Variants in FANCA observed in about 807,000 individuals in gnomAD.
FANCA encodes the protein Fanconi anemia group A protein.
FANCA carries 236 observed loss-of-function variants against 194.3 expected under a neutral mutation model. The observed-to-expected ratio is 1.21, with a 90% CI of 1.09 to 1.35. The LOEUF (loss-of-function observed/expected upper bound fraction) is 1.35. Among genes scored for constraint, FANCA ranks in the 40% most tolerant of loss-of-function variants. The pLI is 0.00. For missense variants in FANCA, 2,628 were observed against 1,813.9 expected (o/e 1.45, Z -8.15); for synonymous variants, 1,014 against 715.8 (o/e 1.42, Z -6.65).
At chr16:89,772,525 A>C (rs915288088) in intron 22 of FANCA, among the ~76,000 whole-genome samples, 3 of 150,794 alleles carry the variant, frequency 2.0e-5, no homozygotes, top group African/African-American at 7.3e-5. Flanking sequence ...TATATATATC[A>C]CCTCCATGTA....
At chr16:89,739,053 T>A in intron 41 of FANCA, 79 bp from the exon 42 acceptor site, 1 of 1,613,994 alleles carries the variant, frequency 6.2e-7, no homozygotes, top group Non-Finnish European at 8.5e-7. Flanking sequence ...GTCTGCATGC[T>A]GTGCCGGAAC....
In FANCA at chr16:89,739,275, A is replaced by C. The variant is rs1326007572; in HGVS notation, c.4025T>G (p.Phe1342Cys). The change falls in exon 41 of 43, where the codon TTC becomes TGC. Residue 1342 changes from phenylalanine (F) to cysteine (C), a missense_variant. By Grantham distance (205) the Phe-to-Cys change is radical. Coordinates refer to ENST00000389301, the MANE Select transcript of FANCA (RefSeq NM_000135.4). ...PFAFYSLLSY[F>C]HEDAAIREEA... ...TTCCCTGATGGCCGCGTCTTCATGG[A>C]AGTAGGAGAGAAGACTAGAGGTAAA... 1 of 1,614,010 alleles carries C rather than the reference A, an allele frequency of 6.2e-7. No homozygotes were observed. The highest frequency in any genetic ancestry group is 8.5e-7 in the Non-Finnish European group (1 of 1,180,040).
intron 37 of FANCA, among the ~76,000 whole-genome samples, chr16:89,742,505 T>A (rs1345272112): frequency 6.6e-6 from 1 of 152,012 alleles, no homozygotes; most frequent in East Asian, 1.9e-4. Context: ...GTAAACTTGA[T>A]AGTCAAAGTC....
intron 35 of FANCA, 52 bp from the exon 36 acceptor site, chr16:89,745,123 T>A (rs1205782221): frequency 6.7e-7 from 1 of 1,494,390 alleles, no homozygotes; most frequent in African/African-American, 1.4e-5. Context: ...TGGACACACC[T>A]CCGCTGCCCC....
rs2151712993 is a variant in FANCA, at chr16:89,739,536, G to A, written c.3952C>T (p.Leu1318Phe). ...TGATCCGGGGCCACACGGAGGAGGA[G>A]CCGCCCCAGCCTGAGGTCTGCAACA... is the stretch of plus-strand genomic sequence containing the variant. ...LTESDLRLGR[L>F]LLRVAPDQHT... Residue 1318 changes from leucine (L) to phenylalanine (F), a missense_variant, in exon 40 of 43, where the codon CTC becomes TTC. By Grantham distance (22) the Leu-to-Phe change is conservative. Transcript: ENST00000389301. 6.4e-7 allele frequency: 1 copy of A among 1,551,306 alleles called. No homozygotes were observed. The highest frequency in any genetic ancestry group is 1.7e-4 in the Middle Eastern group (1 of 5,942).
chr16:89,782,804 C>A, intron 17 of FANCA, 55 bp downstream of exon 17: 1 of 1,483,652 alleles, frequency 6.7e-7, no homozygotes, highest in Non-Finnish European at 9.4e-7. Flanking sequence ...AGAAACTGGA[C>A]CTTTGCATGG....
In FANCA at chr16:89,783,060, A is replaced by G; in HGVS notation, c.1513T>C (p.Ser505Pro). 1 of 1,613,852 alleles carries G rather than the reference A, an allele frequency of 6.2e-7. No homozygotes were observed. Among genetic ancestry groups the G allele is most frequent in the Non-Finnish European group, 8.5e-7 (1 of 1,179,876 alleles). ...AATGAGATGTAGTCTGTGAGGAGGG[A>G]GCGGTACTTGCCGGGAACCAGGGGT... ...HPPLVPGKYRSLLTDYISLAK... is the reference protein window; with the variant it reads ...HPPLVPGKYRPLLTDYISLAK... Residue 505 changes from serine to proline, a missense_variant, in exon 16 of 43, where the codon TCC (serine) becomes CCC (proline). Coordinates refer to ENST00000389301, the MANE Select transcript of FANCA (RefSeq NM_000135.4).
In FANCA at chr16:89,738,707, A is replaced by G. The variant is rs761987751; in HGVS notation, c.4262T>C (p.Leu1421Pro). The change falls in exon 43 of 43, where the codon CTG becomes CCG. Residue 1421 changes from leucine (L) to proline (P), a missense_variant and splice_region_variant. Coordinates refer to ENST00000389301, the MANE Select transcript of FANCA (RefSeq NM_000135.4). ...GTCGCAGTCCCCACGATCAGCCAGC[A>G]GCTGTGAGAGAGGAGCAGGTCCTCA... ...PKKSFSHVAE[L>P]LADRGDCDPE... The G allele has an allele frequency of 7.4e-6, 12 of 1,613,878 alleles. No homozygotes were observed. Among genetic ancestry groups the G allele is most frequent in the Non-Finnish European group, 1.0e-5 (12 of 1,179,946 alleles).
chr16:89,761,502 C>G (rs565270174), intron 29 of FANCA, among the ~76,000 whole-genome samples: 1 of 150,322 alleles, frequency 6.7e-6, no homozygotes, highest in Admixed American at 6.6e-5. Flanking sequence ...AATCTTGCCA[C>G]CGAAAAAAAA....
At chr16:89,816,100 G>A (rs763580119) in intron 1 of FANCA, 114 bp from the exon 2 acceptor site, 21 of 783,278 alleles carry the variant, frequency 2.7e-5, no homozygotes, top group Middle Eastern at 4.4e-4. Flanking sequence ...CTCCCGAAGA[G>A]GGGCCGGGGC....
intron 30 of FANCA, among the ~76,000 whole-genome samples, chr16:89,754,266 T>A (rs1306971103): frequency 6.7e-6 from 1 of 150,196 alleles, no homozygotes; most frequent in Non-Finnish European, 1.5e-5. Context: ...AAAACAACAC[T>A]GCCCGGGGAG....
At chr16:89,811,097 T>C in intron 3 of FANCA, 26 bp from the exon 4 acceptor site, 1 of 1,613,724 alleles carries the variant, frequency 6.2e-7, no homozygotes, top group Admixed American at 1.7e-5. Flanking sequence ...AAACCATAGC[T>C]TTCTCTTAAC....
chr16:89,793,600 C>A (rs931711519), intron 11 of FANCA, among the ~76,000 whole-genome samples: 3 of 152,092 alleles, frequency 2.0e-5, no homozygotes, highest in Non-Finnish European at 4.4e-5. Context: ...TTGCCGCCCA[C>A]AGGTTTTGTT....
chr16:89,779,813 G>C (rs368879200), intron 18 of FANCA, 56 bp downstream of exon 18: 2 of 1,442,004 alleles, frequency 1.4e-6, no homozygotes, highest in Non-Finnish European at 2.0e-6. Context: ...GCAGGCATCA[G>C]AGCGCGGTCT....
rs2143534943 is a variant in FANCA at position 89,792,556 on chromosome 16, G to A, written c.1007-9C>T. On this transcript the variant is annotated splice_polypyrimidine_tract_variant and intron_variant, in intron 11 of 42. Transcript: ENST00000389301. ...CTGAACAGCATCAGATGCTGCAGGG[G>A]GAGAAACAGACAAAAACTTCAAGTC... 4 of 1,612,474 alleles carry A rather than the reference G, an allele frequency of 2.5e-6. No individual in the cohort carries two copies. The highest frequency in any genetic ancestry group is 2.2e-5 in the East Asian group (1 of 44,838).
intron 23 of FANCA, 136 bp downstream of exon 23, chr16:89,771,542 C>G (rs2039325582): frequency 2.1e-6 from 2 of 973,876 alleles, no homozygotes; most frequent in African/African-American, 1.6e-5. Context: ...ACACCGCTGC[C>G]TGGCCCTGGA....
At chr16:89,792,986 T>G (rs568204104) in intron 11 of FANCA, among the ~76,000 whole-genome samples, 1 of 152,276 alleles carries the variant, frequency 6.6e-6, no homozygotes, top group Admixed American at 6.5e-5. Context: ...ACTACTGCTA[T>G]CTAGAAGGCA....
chr16:89,799,331 C>G, intron 9 of FANCA, 99 bp from the exon 10 acceptor site: 1 of 1,372,338 alleles, frequency 7.3e-7, no homozygotes, highest in African/African-American at 1.4e-5. Flanking sequence ...TCCACTTCAA[C>G]CCCCCAGAGG....
At chr16:89,790,055 A>C (rs1016104511) in intron 14 of FANCA, among the ~76,000 whole-genome samples, 4 of 152,210 alleles carry the variant, frequency 2.6e-5, no homozygotes, top group African/African-American at 7.2e-5. Flanking sequence ...AAAAGGAAGA[A>C]TATGTGATAC....
Sources: gnomAD v4.1 joint callset for allele counts (sites outside exome capture counted in the v4.1 genomes callset) on GRCh38, gnomAD v4.1.1 for gene constraint, MANE v1.5 for transcripts, NCBI Gene and HGNC (gene_info 2026-07-23, HGNC 2026-07-21) for gene names.